The following MAML2 variants were observed in gnomAD, a reference collection of about 807,000 sequenced individuals.
MAML2 encodes mastermind like transcriptional coactivator 2.
In MAML2, 22 loss-of-function variants were observed where a neutral mutation model predicts 96.1. That is an observed-to-expected ratio of 0.23 (90% CI 0.16 to 0.33). The LOEUF (loss-of-function observed/expected upper bound fraction) is 0.33, where lower values mean the gene tolerates loss of function less well. MAML2 is among the 10% of genes least tolerant of loss of function. The pLI, the probability that MAML2 is intolerant of heterozygous loss-of-function variation, is 1.00. For missense variants in MAML2, 1,367 were observed against 1,392.4 expected (o/e 0.98, Z 0.29); for synonymous variants, 561 against 521.3 (o/e 1.08, Z -1.04).
intron 1 of MAML2, among the ~76,000 whole-genome samples, chr11:96,186,589 C>CA (rs937694538): frequency 8.0e-5 from 12 of 149,544 alleles, no homozygotes; most frequent in African/African-American, 1.5e-4. Flanking sequence ...GAATCCGTCT[C>CA]AAAAAAAAAT....
intron 1 of MAML2, among the ~76,000 whole-genome samples, chr11:96,304,855 T>C (rs763175924): frequency 1.3e-5 from 2 of 152,250 alleles, no homozygotes; most frequent in South Asian, 2.1e-4. Flanking sequence ...AATGTGTTTA[T>C]GCTATGTTAT....
At chr11:96,206,896 T>A (rs2135935241) in intron 1 of MAML2, among the ~76,000 whole-genome samples, 1 of 152,172 alleles carries the variant, frequency 6.6e-6, no homozygotes, top group South Asian at 2.1e-4. Flanking sequence ...AAGAATCTTT[T>A]AAAAATATCA....
At chr11:96,305,241 G>A (rs1294858314) in intron 1 of MAML2, among the ~76,000 whole-genome samples, 2 of 152,134 alleles carry the variant, frequency 1.3e-5, no homozygotes, top group Non-Finnish European at 2.9e-5. Flanking sequence ...AGGATTTTTA[G>A]AGCAGTAAAA....
At chr11:96,011,326 C>T (rs1235463039) in intron 2 of MAML2, among the ~76,000 whole-genome samples, 3 of 152,278 alleles carry the variant, frequency 2.0e-5, no homozygotes, top group Admixed American at 1.3e-4. Flanking sequence ...ACCAAGGTAT[C>T]TACCAATGTT....
intron 1 of MAML2, among the ~76,000 whole-genome samples, chr11:96,201,340 G>A (rs1380733300): frequency 2.0e-5 from 3 of 152,124 alleles, no homozygotes; most frequent in Non-Finnish European, 2.9e-5. Flanking sequence ...TAAAAGGACC[G>A]TTCCCTCCCC....
At chr11:95,988,361 C>T (rs545037091) in intron 3 of MAML2, among the ~76,000 whole-genome samples, 9 of 151,396 alleles carry the variant, frequency 5.9e-5, no homozygotes, top group Admixed American at 1.3e-4. Context: ...CAGGTTCAAG[C>T]GATTCTTCTG....
intron 1 of MAML2, among the ~76,000 whole-genome samples, chr11:96,313,242 GTCTAAC>G (rs1863571731): frequency 6.6e-6 from 1 of 152,122 alleles, no homozygotes; most frequent in Non-Finnish European, 1.5e-5. Context: ...GAGACCAATA[GTCTAAC>G]TCTAAGAGGT....
At chr11:96,086,551 C>A (rs949475299) in intron 2 of MAML2, among the ~76,000 whole-genome samples, 2 of 151,936 alleles carry the variant, frequency 1.3e-5, no homozygotes, top group South Asian at 2.1e-4. Flanking sequence ...AATATGCCTG[C>A]AATATGATGA....
chr11:96,106,935 A>G (rs1008056005), intron 1 of MAML2, among the ~76,000 whole-genome samples: 4 of 146,544 alleles, frequency 2.7e-5, no homozygotes, highest in Non-Finnish European at 4.5e-5. Flanking sequence ...ACTTCGCTGC[A>G]TTTGTCAAGA....
At chr11:96,081,286 G>GCATAATATTCATTATGAATATGAATATT (rs1280478792) in intron 2 of MAML2, among the ~76,000 whole-genome samples, 186 of 151,820 alleles carry the variant, frequency 1.2e-3, no homozygotes, top group Non-Finnish European at 2.0e-3. Flanking sequence ...CTGAATTAAA[G>GCATAATATTCATTATGAATATGAATATT]CATAATATTC....
intron 1 of MAML2, among the ~76,000 whole-genome samples, chr11:96,116,755 G>A (rs1271909895): frequency 2.0e-5 from 3 of 152,178 alleles, no homozygotes; most frequent in East Asian, 3.8e-4. Flanking sequence ...TATGTATGGC[G>A]AAGAGAGTGA....
chr11:96,131,747 T>G (rs1176300561), intron 1 of MAML2, among the ~76,000 whole-genome samples: 1 of 152,206 alleles, frequency 6.6e-6, no homozygotes, highest in African/African-American at 2.4e-5. Flanking sequence ...TGGTGGCTCA[T>G]GCCTGTAATC....
At chr11:96,156,256 G>A (rs1861009663) in intron 1 of MAML2, among the ~76,000 whole-genome samples, 1 of 152,084 alleles carries the variant, frequency 6.6e-6, no homozygotes. Context: ...GGCTCATGCT[G>A]GCCCTGTGCC....
intron 1 of MAML2, among the ~76,000 whole-genome samples, chr11:96,186,338 C>T (rs1861574956): frequency 6.6e-6 from 1 of 152,148 alleles, no homozygotes; most frequent in East Asian, 1.9e-4. Context: ...GCCTGTAATC[C>T]CAGCACTTTG....
chr11:96,327,101 T>C (rs976043926), intron 1 of MAML2, among the ~76,000 whole-genome samples: 4 of 152,248 alleles, frequency 2.6e-5, no homozygotes, highest in African/African-American at 7.2e-5. Flanking sequence ...GTCATGTGTG[T>C]CTGCTCTAGT....
At chr11:96,171,675 A>C (rs1248646655) in intron 1 of MAML2, among the ~76,000 whole-genome samples, 1 of 152,246 alleles carries the variant, frequency 6.6e-6, no homozygotes, top group Non-Finnish European at 1.5e-5. Flanking sequence ...AACACGCCAA[A>C]GTTCAGTAAT....
intron 2 of MAML2, among the ~76,000 whole-genome samples, chr11:96,088,262 G>C (rs143317943): frequency 1.6e-4 from 24 of 152,290 alleles, no homozygotes; most frequent in Non-Finnish European, 3.1e-4. Context: ...TTCACTGGCT[G>C]CCTTCCCTCC....
intron 1 of MAML2, among the ~76,000 whole-genome samples, chr11:96,233,383 T>G (rs1862323554): frequency 6.9e-6 from 1 of 144,276 alleles, no homozygotes; most frequent in South Asian, 2.2e-4. Context: ...ATTCATGTGT[T>G]TTCCCTACTC....
chr11:96,092,090 C>CTGTTGT lies in MAML2; in HGVS notation c.1935_1940dup (p.Gln664_Gln665dup). ...GCTGTTGTTGTTGCTGCTGCTGCTG[C>CTGTTGT]TGTTGTTGCTGCTGCTGCTGCTGTT... On this transcript the variant is annotated inframe_insertion, in exon 2 of 5. Transcript: ENST00000524717. The surrounding 1 kb of genome is among the most constrained non-coding windows in gnomAD (Gnocchi z 4.1). 6.5e-7 allele frequency: 1 copy of CTGTTGT among 1,543,332 alleles called. No homozygotes were observed. Among genetic ancestry groups the CTGTTGT allele is most frequent in the Non-Finnish European group, 8.8e-7 (1 of 1,142,166 alleles).
Sources: gnomAD v4.1 joint callset for allele counts (sites outside exome capture counted in the v4.1 genomes callset) on GRCh38, gnomAD v4.1.1 for gene constraint, Gnocchi (gnomAD v3.1) non-coding constraint, MANE v1.5 for transcripts, NCBI Gene and HGNC (gene_info 2026-07-23, HGNC 2026-07-21) for gene names.